The following MRE11 variants were observed in gnomAD, a reference collection of about 807,000 sequenced individuals.
The protein encoded by MRE11 is double-strand break repair protein MRE11.
A neutral mutation model predicts 91.7 loss-of-function variants in MRE11; 62 were observed. That is an observed-to-expected ratio of 0.68 (90% CI 0.55 to 0.84). The LOEUF is 0.84. Among genes scored for constraint, MRE11 ranks in the 40% least tolerant of loss-of-function variants. The probability of loss-of-function intolerance (pLI) is 0.00; values close to 1 mark genes in which losing one functional copy is unlikely to be tolerated. For missense variants in MRE11, 796 were observed against 852.9 expected (o/e 0.93, Z 0.83); for synonymous variants, 273 against 271.4 (o/e 1.01, Z -0.06).
chr11:94,477,083 T>C (rs1482471303), intron 6 of MRE11, among the ~76,000 whole-genome samples: 1 of 152,196 alleles, frequency 6.6e-6, no homozygotes, highest in Non-Finnish European at 1.5e-5. Context: ...TTCAGACATA[T>C]ACATGTTCAA....
chr11:94,442,488 AG>A (rs1227957307), intron 16 of MRE11, among the ~76,000 whole-genome samples: 146 of 152,214 alleles, frequency 9.6e-4, no homozygotes, highest in African/African-American at 3.3e-3. Flanking sequence ...AAAACAAAAA[AG>A]AAAAATAAAA....
At chr11:94,448,116 G>C (rs1258525857) in intron 14 of MRE11, among the ~76,000 whole-genome samples, 1 of 151,898 alleles carries the variant, frequency 6.6e-6, no homozygotes, top group Non-Finnish European at 1.5e-5. Context: ...GAAATAATAA[G>C]AAAAAAACTT....
intron 14 of MRE11, among the ~76,000 whole-genome samples, chr11:94,449,956 G>T (rs749525423): frequency 6.6e-6 from 1 of 152,064 alleles, no homozygotes; most frequent in Non-Finnish European, 1.5e-5. Flanking sequence ...CATATTTATT[G>T]CATTTTCTGC....
chr11:94,479,500 A>C (rs1311272935), intron 5 of MRE11, among the ~76,000 whole-genome samples, 174 bp downstream of exon 5: 3 of 152,228 alleles, frequency 2.0e-5, no homozygotes, highest in African/African-American at 7.2e-5. Context: ...TTCTTATTTC[A>C]GATTTTTAAA....
intron 5 of MRE11, among the ~76,000 whole-genome samples, chr11:94,479,369 T>C (rs1421305984): frequency 1.1e-4 from 16 of 152,196 alleles, no homozygotes; most frequent in Non-Finnish European, 2.9e-5. Context: ...TTTTATAAGA[T>C]AGTTATAAAA....
the MRE11 span, among the ~76,000 whole-genome samples, chr11:94,502,487 T>C: frequency 6.6e-6 from 1 of 152,202 alleles, no homozygotes; most frequent in African/African-American, 2.4e-5. Context: ...AGTTTATTTA[T>C]AGTAGGGTTT....
At chr11:94,424,852 T>C (rs1167702867) in intron 19 of MRE11, among the ~76,000 whole-genome samples, 5 of 151,932 alleles carry the variant, frequency 3.3e-5, no homozygotes, top group Admixed American at 2.0e-4. Context: ...TATGAGATTA[T>C]GTAAAGAGGC....
chr11:94,491,039 CTT>C (rs1399385090), intron 2 of MRE11, 74 bp from the exon 3 acceptor site: 13 of 935,676 alleles, frequency 1.4e-5, no homozygotes, highest in East Asian at 1.3e-4. Context: ...TTGAGACAAA[CTT>C]ATAAAATAAA....
the MRE11 span, among the ~76,000 whole-genome samples, chr11:94,510,892 G>A: frequency 1.3e-5 from 2 of 152,252 alleles, no homozygotes; most frequent in South Asian, 4.2e-4. Flanking sequence ...CAAATCTTAG[G>A]CAGAATGTGA....
chr11:94,440,938 A>T (rs576080502), intron 16 of MRE11, among the ~76,000 whole-genome samples: 16 of 152,294 alleles, frequency 1.1e-4, no homozygotes, highest in African/African-American at 3.9e-4. Context: ...GCCTCTAGAG[A>T]TAACAGTCAA....
At chr11:94,456,766 G>T (rs1946258245) in intron 13 of MRE11, among the ~76,000 whole-genome samples, 1 of 152,196 alleles carries the variant, frequency 6.6e-6, no homozygotes, top group South Asian at 2.1e-4. Context: ...GATCTGAAGT[G>T]GGTGGCCCCT....
At chr11:94,481,288 G>A (rs1284018103) in intron 4 of MRE11, among the ~76,000 whole-genome samples, 1 of 151,506 alleles carries the variant, frequency 6.6e-6, no homozygotes. Context: ...CAACCTGGGC[G>A]ACAAAGCAAG....
intron 13 of MRE11, among the ~76,000 whole-genome samples, chr11:94,457,405 C>G (rs1007416976): frequency 5.9e-5 from 9 of 152,138 alleles, no homozygotes; most frequent in African/African-American, 1.9e-4. Context: ...AGAAGAGGAA[C>G]AGAGAGCAGT....
chr11:94,430,060 T>C, intron 18 of MRE11, 74 bp from the exon 19 acceptor site: 1 of 1,431,056 alleles, frequency 7.0e-7, no homozygotes, highest in African/African-American at 1.4e-5. Flanking sequence ...TGGCTAAGTT[T>C]TTCAATCCAG....
At chr11:94,487,851 G>A (rs1198718103) in intron 3 of MRE11, among the ~76,000 whole-genome samples, 1 of 152,148 alleles carries the variant, frequency 6.6e-6, no homozygotes, top group African/African-American at 2.4e-5. Flanking sequence ...GACTGATGTT[G>A]TTTCAAAATA....
chr11:94,475,417 C>G (rs114584241), intron 7 of MRE11: 26 of 340,712 alleles, frequency 7.6e-5, no homozygotes, highest in Admixed American at 1.5e-4. Flanking sequence ...CCGAACACCC[C>G]CCGTGGATAC....
At chr11:94,466,185 A>AC (rs1340525538) in intron 10 of MRE11, among the ~76,000 whole-genome samples, 6 of 152,234 alleles carry the variant, frequency 3.9e-5, no homozygotes, top group Non-Finnish European at 8.8e-5. Context: ...TTTGGTTTAG[A>AC]CCACATCATG....
chr11:94,421,328 T>G (rs1032268606), intron 19 of MRE11, among the ~76,000 whole-genome samples: 5 of 152,234 alleles, frequency 3.3e-5, no homozygotes, highest in Admixed American at 2.6e-4. Flanking sequence ...TTCCAAATGT[T>G]AGCTAAATTA....
the MRE11 span, among the ~76,000 whole-genome samples, chr11:94,504,536 T>C: frequency 4.6e-5 from 7 of 152,326 alleles, no homozygotes; most frequent in African/African-American, 1.7e-4. Context: ...TTCAAGAAAT[T>C]TGAAAAGATG....
Sources: gnomAD v4.1 joint callset for allele counts (sites outside exome capture counted in the v4.1 genomes callset) on GRCh38, gnomAD v4.1.1 for gene constraint, MANE v1.5 for transcripts, NCBI Gene and HGNC (gene_info 2026-07-23, HGNC 2026-07-21) for gene names.